CCDC180: variants seen among roughly 807,000 people sequenced by gnomAD.
CCDC180 encodes the protein coiled-coil domain containing 180.
CCDC180 carries 154 observed loss-of-function variants against 209.2 expected under a neutral mutation model. That is an observed-to-expected ratio of 0.74 (90% CI 0.65 to 0.84). The LOEUF (loss-of-function observed/expected upper bound fraction) is 0.84, where lower values mean the gene tolerates loss of function less well. Among genes scored for constraint, CCDC180 ranks in the 40% least tolerant of loss-of-function variants. CCDC180 has a pLI of 0.00. For synonymous variants in CCDC180, 778 were observed against 749.1 expected (o/e 1.04, Z -0.63); for missense variants, 1,874 against 1,997.3 (o/e 0.94, Z 1.18).
chr9:97,349,368 C>T, intron 21 of CCDC180, 77 bp downstream of exon 21: 1 of 1,304,628 alleles, frequency 7.7e-7, no homozygotes, highest in Non-Finnish European at 1.0e-6. Flanking sequence ...CAAAGGAGCC[C>T]CCCTCCCTGT....
At chr9:97,334,053 T>G (rs1825830462) in intron 18 of CCDC180, among the ~76,000 whole-genome samples, 1 of 152,126 alleles carries the variant, frequency 6.6e-6, no homozygotes, top group Non-Finnish European at 1.5e-5. Context: ...ATAACCCATA[T>G]ATGTTTAACA....
chr9:97,334,193 G>A (rs1825835851), intron 18 of CCDC180, among the ~76,000 whole-genome samples: 1 of 152,056 alleles, frequency 6.6e-6, no homozygotes, highest in African/African-American at 2.4e-5. Flanking sequence ...CTATCCTAGA[G>A]ATAAGGGACT....
Position 97,322,838 on chromosome 9 carries a change from T to A in CCDC180, c.1165T>A (p.Tyr389Asn). ...LNSLNKELDT[Y>N]HVDCMMRIRL... ...TTTGTTTTCTGCCCATGGAGACACC[T>A]ACCACGTGGACTGCATGATGCGGAT... The change falls in exon 12 of 37, where the codon TAC becomes AAC. Residue 389 changes from tyrosine to asparagine, a missense_variant. Transcript: ENST00000529487. The A allele has an allele frequency of 1.2e-6, 2 of 1,613,918 alleles. No homozygotes were observed. The highest frequency in any genetic ancestry group is 1.7e-6 in the Non-Finnish European group (2 of 1,179,898).
At chr9:97,347,094 A>G (rs556971347) in intron 19 of CCDC180, among the ~76,000 whole-genome samples, 15 of 152,344 alleles carry the variant, frequency 9.8e-5, no homozygotes, top group African/African-American at 3.6e-4. Flanking sequence ...GTTCAAGGTC[A>G]TTTATCCAAA....
chr9:97,317,159 G>A lies in CCDC180; in HGVS notation c.890G>A (p.Arg297His), dbSNP rs199902207. 1.2e-4 allele frequency: 191 copies of A among 1,613,058 alleles called. No homozygotes were observed. Among genetic ancestry groups the A allele is most frequent in the Middle Eastern group, 6.6e-4 (4 of 6,080 alleles). The change falls in exon 9 of 37, where the codon CGC becomes CAC. Residue 297 changes from arginine (R) to histidine (H), a missense_variant. Transcript: ENST00000529487. ...ACCCTGCAGCAGGAGCTGGACAGCCGCCACCGCTGGCAAGGCTTGGTGGAC... is the reference window on the plus strand; with the variant it reads ...ACCCTGCAGCAGGAGCTGGACAGCCACCACCGCTGGCAAGGCTTGGTGGAC... ...ESTLQQELDS[R>H]HRWQGLVDTW...
intron 22 of CCDC180, among the ~76,000 whole-genome samples, chr9:97,351,239 C>T (rs947456196): frequency 2.0e-5 from 3 of 152,194 alleles, no homozygotes; most frequent in Non-Finnish European, 4.4e-5. Flanking sequence ...CATACTGTTT[C>T]CACAGCAGCT....
intron 11 of CCDC180, among the ~76,000 whole-genome samples, chr9:97,320,908 G>A (rs181895541): frequency 6.6e-6 from 1 of 152,268 alleles, no homozygotes; most frequent in East Asian, 1.9e-4. Flanking sequence ...GGGACTTTTC[G>A]ACTTCATGGT....
chr9:97,334,089 C>T (rs1825831282), intron 18 of CCDC180, among the ~76,000 whole-genome samples: 2 of 151,910 alleles, frequency 1.3e-5, no homozygotes, highest in Admixed American at 1.3e-4. Flanking sequence ...AGTATTTTTG[C>T]ATACATGTTC....
In CCDC180 at chr9:97,376,823, A is replaced by G. The variant is rs151304837; in HGVS notation, c.4903A>G (p.Ile1635Val). The G allele has an allele frequency of 1.7e-4, 280 of 1,613,460 alleles. 1 individual carries two copies. The highest frequency in any genetic ancestry group is 3.5e-4 in the Middle Eastern group (2 of 5,676). ...GATCCAGGATGACTGTACATCTCAG[A>G]TAAAGGAGGCTCAGCGCTGGAAGGA... is the stretch of plus-strand genomic sequence containing the variant. The part of the protein sequence containing the change: ...KRIQDDCTSQ[I>V]KEAQRWKDSW... The change falls in exon 37 of 37, where the codon ATA becomes GTA. Residue 1635 changes from isoleucine to valine, a missense_variant. Coordinates refer to ENST00000529487, the MANE Select transcript of CCDC180 (RefSeq NM_020893.6).
chr9:97,375,889 T>G, intron 36 of CCDC180: 1 of 361,992 alleles, frequency 2.8e-6, no homozygotes, highest in East Asian at 4.7e-5. Flanking sequence ...CTAGGGAACA[T>G]TGTCACCAGG....
chr9:97,314,257 C>A, intron 5 of CCDC180, 136 bp from the exon 6 acceptor site: 1 of 1,021,204 alleles, frequency 9.8e-7, no homozygotes, highest in Non-Finnish European at 1.4e-6. Context: ...AGTAGTGAGC[C>A]TCAACTCGTT....
Position 97,307,666 on chromosome 9 carries a change from G to C in CCDC180, c.-222G>C. 2.0e-6 allele frequency: 3 copies of C among 1,503,408 alleles called. No homozygotes were observed. In the South Asian group the frequency reaches 3.4e-5, roughly 17 times the overall value. 93.1% of individuals were successfully genotyped at this position (1,503,408 alleles called of 1,614,324 possible). ...AGTCCCAACCGACACCTTGAGCGCC[G>C]TTAACTTTTCCCCGAAGAGCATGGC... is the stretch of plus-strand genomic sequence containing the variant. On this transcript the variant is annotated 5_prime_UTR_variant, in exon 1 of 37. Coordinates refer to ENST00000529487, the MANE Select transcript of CCDC180 (RefSeq NM_020893.6).
chr9:97,322,169 G>A (rs1469837187), intron 11 of CCDC180, among the ~76,000 whole-genome samples: 1 of 152,154 alleles, frequency 6.6e-6, no homozygotes, highest in Non-Finnish European at 1.5e-5. Context: ...CTGGGGACAG[G>A]AAGAAGCAGA....
chr9:97,369,486 G>T (rs1332198922), intron 31 of CCDC180: 1 of 162,488 alleles, frequency 6.2e-6, no homozygotes, highest in Non-Finnish European at 1.3e-5. Flanking sequence ...TAGAAAGAGG[G>T]TCTTGCTCTG....
chr9:97,367,640 AT>A (rs780849884), intron 31 of CCDC180, among the ~76,000 whole-genome samples: 3 of 151,868 alleles, frequency 2.0e-5, no homozygotes, highest in Non-Finnish European at 4.4e-5. Context: ...TGCCTGGCTA[AT>A]TTTTGTATTT....
At chr9:97,369,301 A>G (rs986632763) in intron 31 of CCDC180, 2 of 152,294 alleles carry the variant, frequency 1.3e-5, no homozygotes, top group African/African-American at 4.8e-5. Flanking sequence ...TCAAGGCAAT[A>G]GTTGAAATAA....
At chr9:97,371,219 C>G (rs1408185011) in intron 33 of CCDC180, 1 of 166,368 alleles carries the variant, frequency 6.0e-6, no homozygotes, top group Non-Finnish European at 1.3e-5. Context: ...CCGCCTCGGC[C>G]TCCCAAAGTG....
At chr9:97,361,422 G>A (rs1409113223) in intron 26 of CCDC180, among the ~76,000 whole-genome samples, 1 of 152,218 alleles carries the variant, frequency 6.6e-6, no homozygotes, top group Non-Finnish European at 1.5e-5. Context: ...TAAACCACAA[G>A]CTCTGAGACA....
chr9:97,320,351 A>G, intron 11 of CCDC180, 146 bp downstream of exon 11: 1 of 727,158 alleles, frequency 1.4e-6, no homozygotes, highest in Non-Finnish European at 2.4e-6. Flanking sequence ...TGAGGGCTCA[A>G]AAGGCCCCCC....
Sources: gnomAD v4.1 joint callset for allele counts (sites outside exome capture counted in the v4.1 genomes callset) on GRCh38, gnomAD v4.1.1 for gene constraint, MANE v1.5 for transcripts, NCBI Gene and HGNC (gene_info 2026-07-23, HGNC 2026-07-21) for gene names.